Variants in TATDN3 observed in about 807,000 individuals in gnomAD.
TATDN3 encodes the protein TatD DNase domain containing 3.
TATDN3 carries 29 observed loss-of-function variants against 40.1 expected under a neutral mutation model. That is an observed-to-expected ratio of 0.72 (90% CI 0.54 to 0.99). TATDN3 has a LOEUF of 0.99. Among genes scored for constraint, TATDN3 ranks in the 50% least tolerant of loss-of-function variants. The pLI, the probability that TATDN3 is intolerant of heterozygous loss-of-function variation, is 0.00. For missense variants in TATDN3, 309 were observed against 321.9 expected (o/e 0.96, Z 0.31); for synonymous variants, 105 against 117.0 (o/e 0.90, Z 0.66).
intron 5 of TATDN3, among the ~76,000 whole-genome samples, chr1:212,803,713 G>A (rs779223551): frequency 6.6e-6 from 1 of 151,220 alleles, no homozygotes; most frequent in Non-Finnish European, 1.5e-5. Flanking sequence ...AAAATACACT[G>A]TGTATTTCAA....
Position 212,792,000 on chromosome 1 carries a change from G to A in TATDN3, c.66+13G>A. 4 of 1,613,660 alleles carry A rather than the reference G, an allele frequency of 2.5e-6. No individual in the cohort carries two copies. Among genetic ancestry groups the A allele is most frequent in the Non-Finnish European group, 3.4e-6 (4 of 1,179,694 alleles). On this transcript the variant is annotated intron_variant, in intron 1 of 9. Coordinates refer to ENST00000366974, the MANE Select transcript of TATDN3 (RefSeq NM_001042552.3). ...GGACTTTGACCGCGTATGTGAGGGC[G>A]ATACGGGACCAGAGGGAGCAGGGAG...
At chr1:212,806,862 A>ATACACATATATACATATG (rs1662559221) in intron 7 of TATDN3, among the ~76,000 whole-genome samples, 1 of 95,384 alleles carries the variant, frequency 1.0e-5, no homozygotes, top group Admixed American at 9.3e-5. Flanking sequence ...ATACATATGT[A>ATACACATATATACATATG]TATACACATA....
rs12093669 is a variant in TATDN3 at position 212,794,871 on chromosome 1, A to G, written c.67-224A>G. The G allele has an allele frequency of 1.4e-3, 933 of 650,278 alleles. 10 individuals carry two copies. The African/African-American group carries it at 0.016, about 11-fold the overall frequency. The allele number at this position is 650,278 out of a possible 1,614,324, so 40.3% of individuals were successfully genotyped here. On this transcript the variant is annotated intron_variant, in intron 1 of 9. Coordinates refer to ENST00000366974, the MANE Select transcript of TATDN3 (RefSeq NM_001042552.3). ...ATGAGGACAGAGAAATACCCTGTAT[A>G]TTTGACAATAGAGGCTTCTGTTTTA...
rs1010840093 is a variant in TATDN3 at position 212,792,102 on chromosome 1, T to C, written c.66+115T>C. 69 of 1,025,832 alleles carry C rather than the reference T, an allele frequency of 6.7e-5. No homozygotes were observed. In the East Asian group the frequency reaches 1.6e-3, roughly 24 times the overall value. The allele number at this position is 1,025,832 out of a possible 1,614,324, so 63.5% of individuals were successfully genotyped here. ...ACCCCATATCCCCCGCCCAGACCCT[T>C]GTTTATGGCCATATGACCTTGCCCC... is the stretch of plus-strand genomic sequence containing the variant. On this transcript the variant is annotated intron_variant, in intron 1 of 9. Coordinates refer to ENST00000366974, the MANE Select transcript of TATDN3 (RefSeq NM_001042552.3).
rs375555771 is a variant in TATDN3 at position 212,807,806 on chromosome 1, G to A, written c.558G>A (p.Gly186=). The A allele has an allele frequency of 8.7e-6, 14 of 1,613,758 alleles. No individual in the cohort carries two copies. In the South Asian group the frequency reaches 1.2e-4, roughly 14 times the overall value. ...PSVAMEGVRA[G]YFFSIPPSII... Reference sequence around the variant, plus strand: ...TAGCCATGGAAGGAGTAAGAGCTGGGTACTTCTTCTCAATTCCCCCTTCTA... The same window carrying A: ...TAGCCATGGAAGGAGTAAGAGCTGGATACTTCTTCTCAATTCCCCCTTCTA... The change falls in exon 8 of 10, where the codon GGG becomes GGA. Residue 186 remains glycine (G), a synonymous_variant. Coordinates refer to ENST00000366974, the MANE Select transcript of TATDN3 (RefSeq NM_001042552.3).
At position 212,794,591 on chromosome 1, in the gene TATDN3, A is replaced by G. The variant is rs892654149; in HGVS notation, c.67-504A>G. The G allele has an allele frequency of 9.2e-6, 3 of 326,954 alleles. No homozygotes were observed. The Admixed American group carries it at 1.2e-4, about 13-fold the overall frequency. 20.3% of individuals were successfully genotyped at this position (326,954 alleles called of 1,614,324 possible). ...GGAGACAAGAGTGAAACTTCATCTC[A>G]AAAAAAAGAAAAAAAATGGGGGCCT... On this transcript the variant is annotated intron_variant, in intron 1 of 9. Transcript: ENST00000366974.
chr1:212,803,995 C>T (rs1662314734), intron 5 of TATDN3, among the ~76,000 whole-genome samples: 1 of 151,956 alleles, frequency 6.6e-6, no homozygotes, highest in Admixed American at 6.6e-5. Flanking sequence ...GAGATCACGC[C>T]ACTGCACTCC....
intron 5 of TATDN3, among the ~76,000 whole-genome samples, chr1:212,803,252 G>A (rs535583638): frequency 1.3e-4 from 19 of 150,836 alleles, no homozygotes; most frequent in Admixed American, 1.1e-3. Flanking sequence ...GCGCAATCTC[G>A]GCTCACTGCA....
chr1:212,804,505 T>C, intron 6 of TATDN3, 76 bp downstream of exon 6: 2 of 1,546,836 alleles, frequency 1.3e-6, no homozygotes, highest in Non-Finnish European at 1.8e-6. Context: ...GAAATGGAAC[T>C]CTACATTTAT....
chr1:212,798,524 C>G (rs968736219), intron 4 of TATDN3, among the ~76,000 whole-genome samples: 4 of 116,784 alleles, frequency 3.4e-5, no homozygotes, highest in Admixed American at 3.2e-4. Context: ...TGGACGCTAT[C>G]TCTCAAAAAC....
intron 5 of TATDN3, 45 bp downstream of exon 5, chr1:212,802,808 T>C (rs1283282801): frequency 7.9e-7 from 1 of 1,257,874 alleles, no homozygotes; most frequent in East Asian, 2.3e-5. Flanking sequence ...TTCAGACTTC[T>C]ATATGATATA....
At position 212,815,017 on chromosome 1, in the gene TATDN3, G is replaced by A. The variant is rs781256061; in HGVS notation, c.686G>A (p.Arg229Gln). Residue 229 changes from arginine to glutamine, a missense_variant, in exon 10 of 10, where the codon CGG becomes CAG. Physicochemically the swap from Arg to Gln is conservative, Grantham distance 43. Coordinates refer to ENST00000366974, the MANE Select transcript of TATDN3 (RefSeq NM_001042552.3). ...GTGTCTGCTGTCTTGTTTCAGGTACGGAATGAGCCCTGGAACATTTCTATT... is the reference window on the plus strand; with the variant it reads ...GTGTCTGCTGTCTTGTTTCAGGTACAGAATGAGCCCTGGAACATTTCTATT... ...SPALGPEKQV[R>Q]NEPWNISISA... 5.0e-6 allele frequency: 8 copies of A among 1,612,218 alleles called. No individual in the cohort carries two copies. Among genetic ancestry groups the A allele is most frequent in the Middle Eastern group, 1.7e-4 (1 of 6,052 alleles).
chr1:212,809,704 A>G (rs1662750008), intron 8 of TATDN3, among the ~76,000 whole-genome samples: 1 of 151,010 alleles, frequency 6.6e-6, no homozygotes, highest in Non-Finnish European at 1.5e-5. Context: ...AAAAAGAAAA[A>G]AGAAAACCAT....
chr1:212,803,631 A>G (rs1440943347), intron 5 of TATDN3, among the ~76,000 whole-genome samples: 2 of 152,132 alleles, frequency 1.3e-5, no homozygotes, highest in Non-Finnish European at 2.9e-5. Flanking sequence ...GTGCCGTCCA[A>G]TATAGTGGCC....
At chr1:212,808,392 TTAGA>T (rs1322487149) in intron 8 of TATDN3, among the ~76,000 whole-genome samples, 2 of 151,698 alleles carry the variant, frequency 1.3e-5, no homozygotes, top group Non-Finnish European at 2.9e-5. Context: ...CTGTGGCTTC[TTAGA>T]TAGGTCATTA....
chr1:212,814,992 G>C, intron 9 of TATDN3, 21 bp from the exon 10 acceptor site: 2 of 1,604,916 alleles, frequency 1.2e-6, no homozygotes, highest in Non-Finnish European at 1.7e-6. Context: ...GTTTGACATG[G>C]TGTCTGCTGT....
At chr1:212,795,666 G>A (rs1013979837) in intron 2 of TATDN3, among the ~76,000 whole-genome samples, 2 of 152,074 alleles carry the variant, frequency 1.3e-5, no homozygotes, top group South Asian at 2.1e-4. Context: ...ACCCACCTTG[G>A]GCTCCCAAAA....
At chr1:212,803,474 G>A (rs1662285821) in intron 5 of TATDN3, among the ~76,000 whole-genome samples, 1 of 152,044 alleles carries the variant, frequency 6.6e-6, no homozygotes, top group African/African-American at 2.4e-5. Context: ...TTGAGCAATC[G>A]TGCCCGGCCA....
chr1:212,812,167 T>C (rs563432114), intron 8 of TATDN3, 81 bp from the exon 9 acceptor site: 13 of 870,106 alleles, frequency 1.5e-5, no homozygotes, highest in African/African-American at 1.2e-4. Flanking sequence ...CAGAATAAAA[T>C]GCATTATTAG....
Sources: gnomAD v4.1 joint callset for allele counts (sites outside exome capture counted in the v4.1 genomes callset) on GRCh38, gnomAD v4.1.1 for gene constraint, MANE v1.5 for transcripts, NCBI Gene and HGNC (gene_info 2026-07-23, HGNC 2026-07-21) for gene names.